The following PDE6A variants were observed in gnomAD, a reference collection of about 807,000 sequenced individuals.
PDE6A encodes the protein rod cGMP-specific 3',5'-cyclic phosphodiesterase subunit alpha.
A neutral mutation model predicts 106.3 loss-of-function variants in PDE6A; 84 were observed. The ratio of observed to expected loss-of-function variants is 0.79; its 90% CI spans 0.66 to 0.95. The LOEUF is 0.95. Ranked by LOEUF, PDE6A falls within the 40% of genes least tolerant of loss-of-function variation. The pLI is 0.00. For missense variants in PDE6A, 1,052 were observed against 1,084.9 expected (o/e 0.97, Z 0.43); for synonymous variants, 394 against 386.6 (o/e 1.02, Z -0.23).
At chr5:149,903,733 G>A (rs1461066160) in intron 7 of PDE6A, 38 bp from the exon 8 acceptor site, 1 of 1,524,622 alleles carries the variant, frequency 6.6e-7, no homozygotes, top group Admixed American at 1.7e-5. Flanking sequence ...GGTGTGATTA[G>A]GCCTGAGAGG....
At position 149,863,611 on chromosome 5, in the gene PDE6A, C is replaced by A. The variant is rs551174658; in HGVS notation, c.2359-345G>T. Among the ~76,000 whole-genome samples the A allele has an allele frequency of 5.7e-4, 86 of 151,834 alleles. No individual in the cohort carries two copies. Among genetic ancestry groups the A allele is most frequent in the African/African-American group, 1.9e-3 (80 of 41,194 alleles). ...TGTGTCCTCCATTCTGTGAGCCTCA[C>A]ACAAGCTGCTCTTTTCTTTTTTTTT... On this transcript the variant is annotated intron_variant, in intron 20 of 21. Coordinates refer to ENST00000255266, the MANE Select transcript of PDE6A (RefSeq NM_000440.3). This position sits in a 1 kb window ranked among gnomAD's most constrained non-coding sequence, Gnocchi z 4.7.
rs1436306257 is a variant in PDE6A at position 149,863,101 on chromosome 5, C to T, written c.2506+18G>A. 2 of 1,613,742 alleles carry T rather than the reference C, an allele frequency of 1.2e-6. No individual in the cohort carries two copies. The highest frequency in any genetic ancestry group is 1.1e-5 in the South Asian group (1 of 91,064). ...GGGAGTGGGGTGGTGGGAGTCCCTG[C>T]TTCCCCCTTCCACAAACCTGACTTG... is the stretch of plus-strand genomic sequence containing the variant. On this transcript the variant is annotated intron_variant, in intron 21 of 21. Transcript: ENST00000255266. The surrounding 1 kb of genome is among the most constrained non-coding windows in gnomAD (Gnocchi z 4.7).
At chr5:149,862,980 C>T (rs1447867117) in intron 21 of PDE6A, 139 bp downstream of exon 21, 43 of 1,078,160 alleles carry the variant, frequency 4.0e-5, no homozygotes, top group Non-Finnish European at 5.4e-5. Flanking sequence ...CCTTGGTGCT[C>T]TCACACACAG....
intron 13 of PDE6A, among the ~76,000 whole-genome samples, chr5:149,892,069 T>C (rs1418495630): frequency 1.3e-5 from 2 of 152,176 alleles, no homozygotes; most frequent in African/African-American, 4.8e-5. Context: ...TTCCAGCAAC[T>C]TGGGAGACTG....
intron 3 of PDE6A, chr5:149,931,882 G>A: frequency 1.6e-6 from 1 of 638,128 alleles, no homozygotes; most frequent in Non-Finnish European, 2.7e-6. Flanking sequence ...CAGAGTTTCT[G>A]GAAGAAATAT....
intron 8 of PDE6A, among the ~76,000 whole-genome samples, chr5:149,899,893 G>A (rs762033362): frequency 1.3e-5 from 2 of 152,122 alleles, no homozygotes; most frequent in African/African-American, 2.4e-5. Context: ...TTCTTGTAAC[G>A]TTGAATTAAT....
At chr5:149,934,086 C>G (rs760766340) in intron 2 of PDE6A, 67 bp from the exon 3 acceptor site, 6 of 873,446 alleles carry the variant, frequency 6.9e-6, no homozygotes, top group Non-Finnish European at 1.1e-5. Flanking sequence ...CTACTTTTAC[C>G]ATCAGCAAAT....
intron 17 of PDE6A, among the ~76,000 whole-genome samples, chr5:149,882,997 G>A (rs943173349): frequency 6.6e-5 from 10 of 152,154 alleles, no homozygotes; most frequent in African/African-American, 2.4e-4. Context: ...GGCGGAAGTT[G>A]CAGTAAGCCG....
Position 149,944,340 on chromosome 5 carries a change from G to A in PDE6A, c.334C>T (p.Leu112Phe), listed in dbSNP as rs753608690. The A allele has an allele frequency of 1.2e-6, 2 of 1,614,134 alleles. No individual in the cohort carries two copies. The highest frequency in any genetic ancestry group is 2.2e-5 in the East Asian group (1 of 44,872). ...RNGIAELATR[L>F]FNVHKDAVLE... The stretch of plus-strand genomic sequence containing the variant: ...ACAGCATCCTTGTGGACATTGAAAA[G>A]CCTGGTGGCCAGCTCTGCGATGCCA... The change falls in exon 1 of 22, where the codon CTT (leucine) becomes TTT (phenylalanine). Residue 112 changes from leucine (L) to phenylalanine (F), a missense_variant. By Grantham distance (22) the Leu-to-Phe change is conservative (BLOSUM62 0). Around this residue, in one of 3 missense-constraint regions of PDE6A, gnomAD observed 913 missense variants for 915.2 expected, o/e 1.00. Transcript: ENST00000255266.
At chr5:149,940,742 C>T (rs776474025) in intron 1 of PDE6A, among the ~76,000 whole-genome samples, 2 of 152,210 alleles carry the variant, frequency 1.3e-5, no homozygotes, top group Non-Finnish European at 2.9e-5. Flanking sequence ...AAGTGATCTG[C>T]CTGCCTCGGC....
chr5:149,865,866 C>T (rs958680145), intron 20 of PDE6A, among the ~76,000 whole-genome samples: 2 of 152,334 alleles, frequency 1.3e-5, no homozygotes, highest in East Asian at 3.9e-4. Context: ...ATGTTTCCAC[C>T]AGCTAGGGAA....
At chr5:149,869,329 C>CAAAA (rs11316552) in intron 17 of PDE6A, among the ~76,000 whole-genome samples, 5 of 91,388 alleles carry the variant, frequency 5.5e-5, no homozygotes, top group Non-Finnish European at 1.1e-4. Context: ...GACTCCATAT[C>CAAAA]AAAAAAAAAA....
intron 17 of PDE6A, among the ~76,000 whole-genome samples, chr5:149,877,792 C>A (rs1760793932): frequency 6.6e-6 from 1 of 152,230 alleles, no homozygotes; most frequent in Non-Finnish European, 1.5e-5. Context: ...CAGGTTTGAA[C>A]TATGCAGGTC....
chr5:149,944,442 T>C lies in PDE6A; in HGVS notation c.232A>G (p.Ile78Val), dbSNP rs376702042. 2 of 1,614,020 alleles carry C rather than the reference T, an allele frequency of 1.2e-6. No individual in the cohort carries two copies. Among genetic ancestry groups the C allele is most frequent in the Non-Finnish European group, 1.7e-6 (2 of 1,179,904 alleles). Residue 78 changes from isoleucine to valine, a missense_variant, in exon 1 of 22, where the codon ATC becomes GTC. Transcript: ENST00000255266. Reference protein sequence around the residue: ...FQENLQTEKCIFNVMKKLCFL... With the variant: ...FQENLQTEKCVFNVMKKLCFL... ...CACAGCTTCTTCATGACATTGAAGATGCATTTCTCTGTCTGTAAATTCTCC... is the reference window on the plus strand; with the variant it reads ...CACAGCTTCTTCATGACATTGAAGACGCATTTCTCTGTCTGTAAATTCTCC...
chr5:149,907,390 A>G lies in PDE6A; in HGVS notation c.999-12T>C. On this transcript the variant is annotated splice_polypyrimidine_tract_variant and intron_variant, in intron 6 of 21. Transcript: ENST00000255266. The stretch of plus-strand genomic sequence containing the variant: ...CAGGAGGTGGATTCCTGTGAAGGCC[A>G]AAGACAAAACGGTGACTCTCAGTGC... 6.2e-7 allele frequency: 1 copy of G among 1,612,276 alleles called. No homozygotes were observed.
At chr5:149,904,772 A>C (rs114277270) in intron 7 of PDE6A, among the ~76,000 whole-genome samples, 1,878 of 151,994 alleles carry the variant, frequency 0.012, 20 homozygotes, top group South Asian at 0.035. Flanking sequence ...ATCAGTTACT[A>C]TCATTGTCTC....
At chr5:149,903,586 TA>T in intron 8 of PDE6A, 61 bp downstream of exon 8, 1 of 1,269,764 alleles carries the variant, frequency 7.9e-7, no homozygotes, top group Non-Finnish European at 1.2e-6. Context: ...TAATGTATTC[TA>T]ATGCTCTTTG....
chr5:149,867,959 G>C (rs1760391860), intron 18 of PDE6A, 136 bp downstream of exon 18: 3 of 1,106,070 alleles, frequency 2.7e-6, no homozygotes, highest in African/African-American at 3.1e-5. Flanking sequence ...GACGTAAAAT[G>C]ATTCCCATGT....
intron 7 of PDE6A, among the ~76,000 whole-genome samples, chr5:149,905,811 C>T (rs1753158826): frequency 6.6e-6 from 1 of 152,196 alleles, no homozygotes; most frequent in South Asian, 2.1e-4. Context: ...AGTCCTAGTC[C>T]TTCAGATCCA....
Sources: gnomAD v4.1 joint callset for allele counts (sites outside exome capture counted in the v4.1 genomes callset) on GRCh38, gnomAD v4.1.1 for gene constraint, gnomAD v4.1.1 regional missense constraint, Gnocchi (gnomAD v3.1) non-coding constraint, MANE v1.5 for transcripts, NCBI Gene and HGNC (gene_info 2026-07-23, HGNC 2026-07-21) for gene names.